Variants in NUP54 observed in about 807,000 individuals in gnomAD.
The protein encoded by NUP54 is nucleoporin p54.
In NUP54, 27 loss-of-function variants were observed where a neutral mutation model predicts 66.4. The observed-to-expected ratio is 0.41, with a 90% CI of 0.30 to 0.56. The LOEUF is 0.56. Ranked by LOEUF, NUP54 falls within the 20% of genes least tolerant of loss-of-function variation. NUP54 has a pLI of 0.34. For missense variants in NUP54, 486 were observed against 596.3 expected (o/e 0.82, Z 1.93); for synonymous variants, 206 against 210.7 (o/e 0.98, Z 0.19).
At chr4:76,132,183 T>C (rs953150869) in intron 6 of NUP54, 12 of 163,142 alleles carry the variant, frequency 7.4e-5, no homozygotes, top group Admixed American at 7.0e-4. Flanking sequence ...ACAGTTAGAA[T>C]ACATTCAGGT....
At chr4:76,145,634 G>C (rs779211482) in intron 1 of NUP54, 48 of 1,148,140 alleles carry the variant, frequency 4.2e-5, no homozygotes, top group Non-Finnish European at 5.5e-5. Flanking sequence ...AAATTGTTTT[G>C]TTATTTTTGT....
Position 76,115,258 on chromosome 4 carries a change from G to A in NUP54, c.*108C>T. Reference sequence around the variant, plus strand: ...TAAACTTCTCAAAAAACCAATCCAAGAAAGAATTGTTTTCTTTTTCCCTCC... The same window carrying A: ...TAAACTTCTCAAAAAACCAATCCAAAAAAGAATTGTTTTCTTTTTCCCTCC... On this transcript the variant is annotated 3_prime_UTR_variant, in exon 12 of 12. Coordinates refer to ENST00000264883, the MANE Select transcript of NUP54 (RefSeq NM_017426.4). 1 of 1,027,726 alleles carries A rather than the reference G, an allele frequency of 9.7e-7. No homozygotes were observed. Among genetic ancestry groups the A allele is most frequent in the South Asian group, 3.1e-5 (1 of 32,744 alleles). 63.7% of individuals were successfully genotyped at this position (1,027,726 alleles called of 1,614,324 possible). A position where few individuals can be genotyped will look rare whatever the true frequency, so the allele number is the denominator to read the frequency against.
rs964120572 is a variant in NUP54 at position 76,147,732 on chromosome 4, G to A, written c.67+576C>T. The A allele has an allele frequency of 3.9e-6, 4 of 1,034,340 alleles. No homozygotes were observed. The Admixed American group carries it at 9.2e-5, about 24-fold the overall frequency. The allele number at this position is 1,034,340 out of a possible 1,614,324, so 64.1% of individuals were successfully genotyped here. ...AGATAAGGATTAGAAGAATCAGCAG[G>A]AGGTTTCACAGAAGTGAACAAACCT... On this transcript the variant is annotated intron_variant, in intron 1 of 11. Coordinates refer to ENST00000264883, the MANE Select transcript of NUP54 (RefSeq NM_017426.4).
At chr4:76,121,804 T>C (rs1227496959) in intron 9 of NUP54, among the ~76,000 whole-genome samples, 2 of 152,234 alleles carry the variant, frequency 1.3e-5, no homozygotes, top group Non-Finnish European at 2.9e-5. Flanking sequence ...TATTTCCAGA[T>C]AGTAAAAAGG....
At chr4:76,125,257 G>T (rs1462292783) in intron 8 of NUP54, among the ~76,000 whole-genome samples, 1 of 151,370 alleles carries the variant, frequency 6.6e-6, no homozygotes, top group Admixed American at 6.6e-5. Context: ...TCCAGCCTGG[G>T]CAACAGAGTG....
chr4:76,118,730 C>T (rs879349649), intron 9 of NUP54, among the ~76,000 whole-genome samples: 3 of 151,376 alleles, frequency 2.0e-5, no homozygotes, highest in African/African-American at 7.3e-5. Context: ...CTTGGCCGGG[C>T]GCGGTGGCTC....
At chr4:76,119,227 A>T (rs965351620) in intron 9 of NUP54, among the ~76,000 whole-genome samples, 4 of 152,138 alleles carry the variant, frequency 2.6e-5, no homozygotes, top group Non-Finnish European at 5.9e-5. Flanking sequence ...GTAAAAGACA[A>T]ATTTTCTCTC....
chr4:76,140,842 G>C (rs571270107), intron 3 of NUP54, among the ~76,000 whole-genome samples: 1 of 152,114 alleles, frequency 6.6e-6, no homozygotes, highest in Non-Finnish European at 1.5e-5. Flanking sequence ...CAAAGGCTTG[G>C]GGTTTTTTCA....
At position 76,130,736 on chromosome 4, in the gene NUP54, G is replaced by C; in HGVS notation, c.976C>G (p.Pro326Ala). ...NPDSEKLIPVPMVGFKELLRR... is the reference protein window; with the variant it reads ...NPDSEKLIPVAMVGFKELLRR... ...AGAAGTTCCTTAAAACCCACCATTG[G>C]TACAGGAATTAACCTGAAGAAACGC... Residue 326 changes from proline to alanine, a missense_variant, in exon 8 of 12, where the codon CCA becomes GCA. Around this residue, in one of 4 missense-constraint regions of NUP54, gnomAD observed 217 missense variants for 247.9 expected, o/e 0.88. Transcript: ENST00000264883. 6.2e-7 allele frequency: 1 copy of C among 1,612,034 alleles called. No homozygotes were observed. Among genetic ancestry groups the C allele is most frequent in the African/African-American group, 1.3e-5 (1 of 74,986 alleles).
intron 7 of NUP54, 138 bp from the exon 8 acceptor site, chr4:76,130,887 C>T: frequency 4.8e-6 from 3 of 630,530 alleles, no homozygotes; most frequent in Non-Finnish European, 5.6e-6. Flanking sequence ...TATGAGATAA[C>T]CATGTTATAC....
At chr4:76,115,550 T>A in intron 11 of NUP54, 56 bp from the exon 12 acceptor site, 4 of 1,426,924 alleles carry the variant, frequency 2.8e-6, no homozygotes, top group Admixed American at 2.5e-5. Context: ...AACTGCAAGC[T>A]AGTCACAGGA....
At chr4:76,128,396 G>GGA (rs1553942673) in intron 8 of NUP54, among the ~76,000 whole-genome samples, 1 of 120,700 alleles carries the variant, frequency 8.3e-6, no homozygotes, top group African/African-American at 3.0e-5. Context: ...AGGAAATGCT[G>GGA]AAAAAAAAAA....
intron 2 of NUP54, 46 bp from the exon 3 acceptor site, chr4:76,144,338 AT>A (rs1341534577): frequency 1.3e-6 from 2 of 1,573,780 alleles, no homozygotes; most frequent in Non-Finnish European, 1.7e-6. Flanking sequence ...AAAAAAAAAA[AT>A]CTGACCTCTA....
intron 10 of NUP54, 45 bp from the exon 11 acceptor site, chr4:76,117,819 T>G (rs1227723046): frequency 1.4e-6 from 2 of 1,444,264 alleles, no homozygotes; most frequent in Non-Finnish European, 1.9e-6. Flanking sequence ...GACGAAGACT[T>G]GTAAAAGACA....
At chr4:76,118,575 G>GGGCGGGGGT (rs1321536710) in intron 9 of NUP54, 4 of 78,074 alleles carry the variant, frequency 5.1e-5, no homozygotes, top group Non-Finnish European at 1.2e-4. Context: ...TGGCGGGGTG[G>GGGCGGGGGT]GGGGGGGGGT....
chr4:76,128,658 TTGAG>T (rs1468556241), intron 8 of NUP54, among the ~76,000 whole-genome samples: 7 of 152,192 alleles, frequency 4.6e-5, no homozygotes, highest in East Asian at 3.8e-4. Flanking sequence ...TCTGAGTGTC[TTGAG>T]TAAGTGTCCA....
chr4:76,124,956 T>C (rs574868371), intron 8 of NUP54, among the ~76,000 whole-genome samples, 200 bp from the exon 9 acceptor site: 17 of 152,116 alleles, frequency 1.1e-4, no homozygotes, highest in Non-Finnish European at 2.4e-4. Context: ...CATGCAAAGA[T>C]ATCTTTAGAG....
intron 9 of NUP54, among the ~76,000 whole-genome samples, chr4:76,120,425 T>C (rs1730181863): frequency 3.1e-5 from 2 of 64,820 alleles, no homozygotes; most frequent in Middle Eastern, 5.4e-3. Context: ...GGATCTCTTT[T>C]TTTTTTTTTT....
At chr4:76,129,590 C>T (rs1560682423) in intron 8 of NUP54, among the ~76,000 whole-genome samples, 1 of 152,136 alleles carries the variant, frequency 6.6e-6, no homozygotes, top group Non-Finnish European at 1.5e-5. Flanking sequence ...GTTGGCCGGG[C>T]GCAGTGGCTC....
Sources: gnomAD v4.1 joint callset for allele counts (sites outside exome capture counted in the v4.1 genomes callset) on GRCh38, gnomAD v4.1.1 for gene constraint, gnomAD v4.1.1 regional missense constraint, MANE v1.5 for transcripts, NCBI Gene and HGNC (gene_info 2026-07-23, HGNC 2026-07-21) for gene names.